TMEM132B: variants seen among roughly 807,000 people sequenced by gnomAD.
The protein encoded by TMEM132B is transmembrane protein 132B.
Under a neutral mutation model 90.8 loss-of-function variants are expected in TMEM132B, and 18 were observed. The observed-to-expected ratio is 0.20, with a 90% CI of 0.14 to 0.29. TMEM132B has a LOEUF of 0.29. Among genes scored for constraint, TMEM132B ranks in the 10% least tolerant of loss-of-function variants. The pLI, the probability that TMEM132B is intolerant of heterozygous loss-of-function variation, is 1.00. For synonymous variants in TMEM132B, 504 were observed against 523.3 expected, an observed-to-expected ratio of 0.96 and a Z score of 0.50; for missense variants, 1,096 against 1,326.8, an observed-to-expected ratio of 0.83 and a Z score of 2.70.
At chr12:125,484,650 T>C (rs12809254) in intron 3 of TMEM132B, among the ~76,000 whole-genome samples, 77,924 of 151,658 alleles carry the variant, frequency 0.51, 21,032 homozygotes, top group African/African-American at 0.7. Flanking sequence ...ATTATTATTG[T>C]GACAGGGTCT....
At chr12:125,274,895 CCTGG>C (rs1409761468) in intron 1 of TMEM132B, among the ~76,000 whole-genome samples, 5 of 152,016 alleles carry the variant, frequency 3.3e-5, no homozygotes, top group African/African-American at 1.2e-4. Context: ...TGCATTCCAG[CCTGG>C]GTGATGGAGT....
intron 5 of TMEM132B, among the ~76,000 whole-genome samples, chr12:125,594,097 T>C (rs1350599363): frequency 6.6e-6 from 1 of 152,194 alleles, no homozygotes; most frequent in African/African-American, 2.4e-5. Context: ...CCACTCATCT[T>C]CTCTTTCTCA....
chr12:125,623,178 G>GT (rs1334812676), intron 5 of TMEM132B, among the ~76,000 whole-genome samples: 3 of 152,146 alleles, frequency 2.0e-5, no homozygotes, highest in Non-Finnish European at 4.4e-5. Flanking sequence ...TTGATGAATT[G>GT]TAAGCCTAGA....
At chr12:125,559,360 G>T (rs1009675575) in intron 4 of TMEM132B, among the ~76,000 whole-genome samples, 1 of 152,130 alleles carries the variant, frequency 6.6e-6, no homozygotes, top group African/African-American at 2.4e-5. Context: ...GTGAGACCTC[G>T]TCTTCCCCTC....
chr12:125,646,122 G>T (rs927057817), intron 6 of TMEM132B, among the ~76,000 whole-genome samples: 1 of 152,192 alleles, frequency 6.6e-6, no homozygotes, highest in African/African-American at 2.4e-5. Flanking sequence ...GAGGGTTCAG[G>T]GGGAGGTGAG....
intron 3 of TMEM132B, among the ~76,000 whole-genome samples, chr12:125,433,185 C>T (rs990427877): frequency 5.9e-5 from 9 of 152,312 alleles, no homozygotes; most frequent in Non-Finnish European, 1.3e-4. Flanking sequence ...TTAATAACTG[C>T]AGGTTTACAG....
chr12:125,383,409 A>G (rs1314049843), intron 2 of TMEM132B, among the ~76,000 whole-genome samples: 1 of 152,230 alleles, frequency 6.6e-6, no homozygotes, highest in African/African-American at 2.4e-5. Context: ...ACTAAGGTGG[A>G]AAATCAATCT....
chr12:125,377,746 GA>G (rs1878538731), intron 2 of TMEM132B, among the ~76,000 whole-genome samples: 1 of 152,126 alleles, frequency 6.6e-6, no homozygotes, highest in Non-Finnish European at 1.5e-5. Context: ...TAGGGAAGTG[GA>G]ATGAACTGTT....
chr12:125,326,493 G>T (rs2136196452), intron 1 of TMEM132B: 4 of 1,061,464 alleles, frequency 3.8e-6, no homozygotes, highest in East Asian at 2.6e-5. Context: ...ACATTCCGTT[G>T]TCCTGGCAAC....
intron 3 of TMEM132B, among the ~76,000 whole-genome samples, chr12:125,511,576 C>A (rs1017782740): frequency 6.6e-6 from 1 of 152,004 alleles, no homozygotes; most frequent in South Asian, 2.1e-4. Flanking sequence ...CCAGGCCGGG[C>A]ACGGTGGCTC....
At chr12:125,414,250 A>G (rs1017584984) in intron 2 of TMEM132B, among the ~76,000 whole-genome samples, 1 of 152,206 alleles carries the variant, frequency 6.6e-6, no homozygotes, top group Non-Finnish European at 1.5e-5. Context: ...CCCTTATCAG[A>G]TAGACAATTT....
chr12:125,411,365 T>TTG (rs796796355), intron 2 of TMEM132B, among the ~76,000 whole-genome samples: 1 of 111,192 alleles, frequency 9.0e-6, no homozygotes, highest in Non-Finnish European at 1.8e-5. Flanking sequence ...TGTCAGAGGG[T>TTG]GGGGGGGGGC....
At chr12:125,483,245 A>T (rs538130107) in intron 3 of TMEM132B, among the ~76,000 whole-genome samples, 33 of 152,128 alleles carry the variant, frequency 2.2e-4, no homozygotes, top group Non-Finnish European at 3.1e-4. Flanking sequence ...AAAGTGTAAT[A>T]AAAAAAACAT....
intron 3 of TMEM132B, among the ~76,000 whole-genome samples, chr12:125,463,426 CT>C (rs1243621291): frequency 6.6e-6 from 1 of 152,222 alleles, no homozygotes; most frequent in Non-Finnish European, 1.5e-5. Flanking sequence ...TTGCTTATAG[CT>C]TTCCCCCTCT....
At position 125,349,502 on chromosome 12, in the gene TMEM132B, C is replaced by T. The variant is rs773643411; in HGVS notation, c.118C>T (p.Pro40Ser). Residue 40 changes from proline to serine, a missense_variant, in exon 2 of 9, where the codon CCT (proline) becomes TCT (serine). Pro to Ser is a moderately conservative substitution (Grantham distance 74). Coordinates refer to ENST00000682704, the MANE Select transcript of TMEM132B (RefSeq NM_001366854.1). The surrounding 1 kb of genome is among the most constrained non-coding windows in gnomAD (Gnocchi z 4.1). The part of the protein sequence containing the change: ...VDSLQKFSSL[P>S]AYLPTNLHIS... ...TAGCCTGCAGAAGTTTTCCTCGCTCCCTGCTTACCTCCCCACGAACTTGCA... is the reference window on the plus strand; with the variant it reads ...TAGCCTGCAGAAGTTTTCCTCGCTCTCTGCTTACCTCCCCACGAACTTGCA... 1.2e-6 allele frequency: 2 copies of T among 1,613,912 alleles called. No individual in the cohort carries two copies. Among genetic ancestry groups the T allele is most frequent in the Non-Finnish European group, 8.5e-7 (1 of 1,179,938 alleles).
chr12:125,388,617 G>A (rs1256787848), intron 2 of TMEM132B, among the ~76,000 whole-genome samples: 2 of 152,058 alleles, frequency 1.3e-5, no homozygotes, highest in East Asian at 1.9e-4. Context: ...TGCCAACCCC[G>A]GCACTTGCTT....
chr12:125,607,349 A>G (rs1885722639), intron 5 of TMEM132B, among the ~76,000 whole-genome samples: 1 of 152,264 alleles, frequency 6.6e-6, no homozygotes, highest in African/African-American at 2.4e-5. Flanking sequence ...ATGTGGGCAG[A>G]TAGCATTTAT....
intron 5 of TMEM132B, among the ~76,000 whole-genome samples, chr12:125,617,534 G>A (rs1214811813): frequency 6.6e-5 from 10 of 151,818 alleles, no homozygotes; most frequent in Admixed American, 5.9e-4. Context: ...TAGTAGAGAC[G>A]GGGTTTCTCC....
At chr12:125,279,685 T>C (rs539041617) in intron 1 of TMEM132B, among the ~76,000 whole-genome samples, 3 of 152,308 alleles carry the variant, frequency 2.0e-5, no homozygotes, top group African/African-American at 7.2e-5. Flanking sequence ...TTGATCCTGT[T>C]GTATATCTTT....
Sources: allele counts gnomAD v4.1 joint callset (sites outside exome capture counted in the v4.1 genomes callset), GRCh38; gene constraint gnomAD v4.1.1; non-coding constraint Gnocchi (gnomAD v3.1); transcripts MANE v1.5; gene names NCBI Gene and HGNC (gene_info 2026-07-23, HGNC 2026-07-21).